The following SLC9A9 variants were observed in gnomAD, a reference collection of about 807,000 sequenced individuals.
SLC9A9 encodes solute carrier family 9 member A9.
Under a neutral mutation model 77.8 loss-of-function variants are expected in SLC9A9, and 62 were observed. The observed-to-expected ratio is 0.80, with a 90% CI of 0.65 to 0.98. The LOEUF (loss-of-function observed/expected upper bound fraction) is 0.98, where lower values mean the gene tolerates loss of function less well. SLC9A9 is among the 50% of genes least tolerant of loss of function. SLC9A9 has a pLI of 0.00. For synonymous variants in SLC9A9, 320 were observed against 283.5 expected (o/e 1.13, Z -1.29); for missense variants, 775 against 774.9 (o/e 1.00, Z 0.00).
At chr3:143,623,588 C>G (rs144796755) in intron 6 of SLC9A9, among the ~76,000 whole-genome samples, 16,526 of 151,926 alleles carry the variant, frequency 0.11, 1,055 homozygotes, top group Non-Finnish European at 0.14. Flanking sequence ...CACAACATAC[C>G]AGAATCTCTG....
At chr3:143,695,639 A>G (rs1253966793) in intron 4 of SLC9A9, among the ~76,000 whole-genome samples, 1 of 152,218 alleles carries the variant, frequency 6.6e-6, no homozygotes, top group Non-Finnish European at 1.5e-5. Context: ...ATGCTGTAAT[A>G]AACATATGTA....
chr3:143,413,540 A>T (rs1445529464), intron 12 of SLC9A9, among the ~76,000 whole-genome samples: 1 of 152,208 alleles, frequency 6.6e-6, no homozygotes, highest in Non-Finnish European at 1.5e-5. Flanking sequence ...AAGGGGAGGC[A>T]GCTGGCGGAA....
intron 9 of SLC9A9, among the ~76,000 whole-genome samples, chr3:143,512,226 C>T (rs532575271): frequency 4.6e-5 from 7 of 152,254 alleles, no homozygotes; most frequent in East Asian, 3.9e-4. Flanking sequence ...TCATCCAGCA[C>T]GGAGATTAGG....
At chr3:143,783,954 C>T (rs1344975524) in intron 4 of SLC9A9, among the ~76,000 whole-genome samples, 2 of 152,302 alleles carry the variant, frequency 1.3e-5, no homozygotes, top group South Asian at 2.1e-4. Flanking sequence ...ATCCCCAAAG[C>T]TCTATCCTTT....
intron 2 of SLC9A9, chr3:143,811,852 A>ACTCCG: frequency 3.1e-6 from 1 of 325,330 alleles, no homozygotes; most frequent in Non-Finnish European, 5.9e-6. Context: ...ACAGAGAGAG[A>ACTCCG]TCTTGTCTAA....
chr3:143,469,167 C>G (rs1396526273), intron 11 of SLC9A9, among the ~76,000 whole-genome samples: 1 of 151,938 alleles, frequency 6.6e-6, no homozygotes, highest in Non-Finnish European at 1.5e-5. Context: ...CTCAAACAAA[C>G]AAACAAACAA....
intron 4 of SLC9A9, among the ~76,000 whole-genome samples, chr3:143,776,893 G>A (rs917504110): frequency 3.3e-5 from 5 of 152,132 alleles, no homozygotes; most frequent in African/African-American, 4.8e-5. Flanking sequence ...ATTATAAATT[G>A]TGAACACTTC....
intron 2 of SLC9A9, among the ~76,000 whole-genome samples, chr3:143,820,550 T>C (rs552804077): frequency 1.3e-5 from 2 of 152,322 alleles, no homozygotes; most frequent in African/African-American, 4.8e-5. Context: ...TGCTGGTCCC[T>C]TGTGGGCCTG....
At chr3:143,414,790 G>T (rs144011156) in intron 12 of SLC9A9, among the ~76,000 whole-genome samples, 1 of 152,170 alleles carries the variant, frequency 6.6e-6, no homozygotes, top group Non-Finnish European at 1.5e-5. Flanking sequence ...TAAGTGAAAG[G>T]AAGAGTCACA....
chr3:143,622,736 C>A (rs769469678), intron 6 of SLC9A9, among the ~76,000 whole-genome samples: 1 of 152,094 alleles, frequency 6.6e-6, no homozygotes, highest in South Asian at 2.1e-4. Flanking sequence ...GCTAACATCA[C>A]AATGACAGGA....
intron 7 of SLC9A9, among the ~76,000 whole-genome samples, chr3:143,575,919 T>A (rs1009309419): frequency 6.6e-6 from 1 of 152,138 alleles, no homozygotes; most frequent in Non-Finnish European, 1.5e-5. Context: ...TAGAGCCTGT[T>A]GAAGACCACC....
intron 6 of SLC9A9, among the ~76,000 whole-genome samples, chr3:143,626,553 G>A (rs981030813): frequency 1.3e-5 from 2 of 151,886 alleles, no homozygotes; most frequent in Non-Finnish European, 2.9e-5. Flanking sequence ...ACTCATAGGT[G>A]GGAATTGAAC....
chr3:143,275,846 A>G (rs973027375), intron 14 of SLC9A9, among the ~76,000 whole-genome samples: 5 of 152,146 alleles, frequency 3.3e-5, no homozygotes, highest in Admixed American at 2.0e-4. Flanking sequence ...TGTTATAGGA[A>G]CTGACCTCTA....
chr3:143,578,410 CA>C (rs1354680117), intron 7 of SLC9A9, among the ~76,000 whole-genome samples, 174 bp downstream of exon 7: 1 of 152,166 alleles, frequency 6.6e-6, no homozygotes, highest in Non-Finnish European at 1.5e-5. Flanking sequence ...CCACTGGTAC[CA>C]ACCTATGCCT....
chr3:143,517,033 T>A (rs1295109388), intron 9 of SLC9A9: 1 of 776,046 alleles, frequency 1.3e-6, no homozygotes, highest in Non-Finnish European at 2.1e-6. Context: ...TATTGAGTAA[T>A]TGAAATTCTT....
intron 9 of SLC9A9, among the ~76,000 whole-genome samples, chr3:143,547,820 A>G (rs1369008289): frequency 6.6e-6 from 1 of 152,088 alleles, no homozygotes; most frequent in Non-Finnish European, 1.5e-5. Context: ...TCCCTGCTTT[A>G]TTATTGGCCT....
In SLC9A9 at chr3:143,659,097, T is replaced by C. The variant is rs149871482; in HGVS notation, c.650-6737A>G. Among the ~76,000 whole-genome samples, 557 of 152,322 alleles carry C rather than the reference T, an allele frequency of 3.7e-3. 4 individuals carry two copies. Among genetic ancestry groups the C allele is most frequent in the African/African-American group, 0.013 (530 of 41,572 alleles). On this transcript the variant is annotated intron_variant, in intron 5 of 15. Transcript: ENST00000316549. ...TGCCCAGTATCTGAGTGACGATGAC[T>C]CACCCCTTCATACAAGCATTTTCCA... is the stretch of plus-strand genomic sequence containing the variant.
chr3:143,615,633 A>C (rs1414683718), intron 6 of SLC9A9, among the ~76,000 whole-genome samples: 1 of 152,184 alleles, frequency 6.6e-6, no homozygotes, highest in African/African-American at 2.4e-5. Flanking sequence ...ATGTGACAAT[A>C]ACTCAGAGTC....
At chr3:143,782,568 C>T (rs2007916817) in intron 4 of SLC9A9, among the ~76,000 whole-genome samples, 1 of 152,192 alleles carries the variant, frequency 6.6e-6, no homozygotes, top group Non-Finnish European at 1.5e-5. Flanking sequence ...AATTATCTCT[C>T]TCTACTATTT....
Sources: gnomAD v4.1 joint callset for allele counts (sites outside exome capture counted in the v4.1 genomes callset) on GRCh38, gnomAD v4.1.1 for gene constraint, MANE v1.5 for transcripts, NCBI Gene and HGNC (gene_info 2026-07-23, HGNC 2026-07-21) for gene names.